TRIM2: variants seen among roughly 807,000 people sequenced by gnomAD.
The protein encoded by TRIM2 is tripartite motif containing 2.
Under a neutral mutation model 75.2 loss-of-function variants are expected in TRIM2, and 20 were observed. The ratio of observed to expected loss-of-function variants is 0.27; its 90% confidence interval spans 0.19 to 0.39. The LOEUF (loss-of-function observed/expected upper bound fraction) is 0.39. Among genes scored for constraint, TRIM2 ranks in the 10% least tolerant of loss-of-function variants. The probability of loss-of-function intolerance (pLI) is 1.00; values close to 1 mark genes in which losing one functional copy is unlikely to be tolerated. For missense variants in TRIM2, 660 were observed against 990.8 expected (o/e 0.67, Z 4.48); for synonymous variants, 373 against 388.3 (o/e 0.96, Z 0.46).
At chr4:153,277,588 C>T (rs769831394) in intron 3 of TRIM2, among the ~76,000 whole-genome samples, 14 of 152,144 alleles carry the variant, frequency 9.2e-5, no homozygotes, top group Non-Finnish European at 2.1e-4. Flanking sequence ...CTCCTTAAAC[C>T]CCCCTCTGCA....
At chr4:153,209,029 C>T (rs142461850) in intron 1 of TRIM2, among the ~76,000 whole-genome samples, 13 of 152,280 alleles carry the variant, frequency 8.5e-5, no homozygotes, top group African/African-American at 2.6e-4. Flanking sequence ...GTCATTTCTT[C>T]ACCAGGCCCA....
At chr4:153,280,242 A>G (rs1341505308) in intron 3 of TRIM2, among the ~76,000 whole-genome samples, 2 of 152,172 alleles carry the variant, frequency 1.3e-5, no homozygotes, top group Non-Finnish European at 2.9e-5. Context: ...AGGAAAAGCT[A>G]GAAAGGTCTC....
chr4:153,152,438 A>ATATATATGTTATAAATTCTAACT (rs1283686534), upstream of TRIM2: 8 of 148,828 alleles, frequency 5.4e-5, no homozygotes, highest in Non-Finnish European at 1.2e-4. Flanking sequence ...ATACACACAT[A>ATATATATGTTATAAATTCTAACT]TATATATGTT....
At chr4:153,190,261 C>T (rs1733046415) in intron 1 of TRIM2, among the ~76,000 whole-genome samples, 1 of 152,192 alleles carries the variant, frequency 6.6e-6, no homozygotes, top group Non-Finnish European at 1.5e-5. Flanking sequence ...GTGGGAATGA[C>T]AGCAGGAAAA....
intron 1 of TRIM2, among the ~76,000 whole-genome samples, chr4:153,159,585 C>CA (rs1729562416): frequency 6.6e-6 from 1 of 152,162 alleles, no homozygotes; most frequent in Non-Finnish European, 1.5e-5. Context: ...GGATTACAGG[C>CA]ATGAGCCACA....
chr4:153,306,107 T>A (rs990511206), intron 6 of TRIM2, among the ~76,000 whole-genome samples: 2 of 150,010 alleles, frequency 1.3e-5, no homozygotes, highest in African/African-American at 4.9e-5. Context: ...CCAGCCTGGA[T>A]GACAGAGCAA....
chr4:153,207,759 G>T (rs920182414), intron 1 of TRIM2, among the ~76,000 whole-genome samples: 17 of 152,210 alleles, frequency 1.1e-4, no homozygotes, highest in African/African-American at 4.1e-4. Flanking sequence ...GGACTGGCCA[G>T]CAGGTGGCTC....
At chr4:153,202,729 G>GA (rs1734521046), upstream of TRIM2, among the ~76,000 whole-genome samples, 1 of 150,530 alleles carries the variant, frequency 6.6e-6, no homozygotes, top group African/African-American at 2.4e-5. Flanking sequence ...ATCATATAAG[G>GA]AAAAAAAGCC....
chr4:153,290,583 AT>A (rs775314895), intron 3 of TRIM2, among the ~76,000 whole-genome samples: 15 of 152,108 alleles, frequency 9.9e-5, no homozygotes, highest in Non-Finnish European at 1.6e-4. Flanking sequence ...GGATATTTGA[AT>A]TTTCATTTGA....
intron 1 of TRIM2, among the ~76,000 whole-genome samples, chr4:153,166,144 G>A (rs1473547582): frequency 6.6e-6 from 1 of 151,836 alleles, no homozygotes; most frequent in African/African-American, 2.4e-5. Context: ...TTATTTCACG[G>A]ATGCAATAGC....
intron 1 of TRIM2, among the ~76,000 whole-genome samples, chr4:153,253,494 T>C (rs1439857553): frequency 6.6e-6 from 1 of 152,098 alleles, no homozygotes; most frequent in Non-Finnish European, 1.5e-5. Context: ...GAGCCACTGC[T>C]AAAAAAATAC....
chr4:153,183,130 C>T (rs143929007), intron 1 of TRIM2, among the ~76,000 whole-genome samples: 2,637 of 152,264 alleles, frequency 0.017, 89 homozygotes, highest in African/African-American at 0.058. Context: ...CACTGACTGA[C>T]CCTGCCATAG....
chr4:153,251,097 C>G (rs750718824), intron 1 of TRIM2, among the ~76,000 whole-genome samples: 2 of 152,210 alleles, frequency 1.3e-5, no homozygotes, highest in Non-Finnish European at 2.9e-5. Context: ...GGCCAACTTG[C>G]ACCTTTTCTC....
At chr4:153,261,587 G>A (rs890868147) in intron 1 of TRIM2, among the ~76,000 whole-genome samples, 21 of 152,164 alleles carry the variant, frequency 1.4e-4, no homozygotes, top group African/African-American at 5.1e-4. Flanking sequence ...CAAATCACAT[G>A]TTAAAATTTT....
intron 1 of TRIM2, among the ~76,000 whole-genome samples, chr4:153,154,906 G>A (rs1025206730): frequency 4.6e-5 from 7 of 152,186 alleles, no homozygotes; most frequent in Non-Finnish European, 8.8e-5. Context: ...TTGGGAGGCC[G>A]AGGCAGGCGG....
At chr4:153,316,506 A>G (rs1767615591) in intron 8 of TRIM2, among the ~76,000 whole-genome samples, 1 of 152,220 alleles carries the variant, frequency 6.6e-6, no homozygotes. Context: ...ACAGAAAACA[A>G]TTTATGTCAG....
At chr4:153,270,293 A>G (rs1560921684) in intron 1 of TRIM2, 42 bp from the exon 2 acceptor site, 1 of 1,581,280 alleles carries the variant, frequency 6.3e-7, no homozygotes, top group Non-Finnish European at 8.6e-7. Context: ...TTGTACCTAC[A>G]GATCATTATA....
rs1772497561 is a variant in TRIM2 at position 153,336,753 on chromosome 4, A to G, written c.*1787A>G. On this transcript the variant is annotated 3_prime_UTR_variant, in exon 12 of 12. Coordinates refer to ENST00000338700, the MANE Select transcript of TRIM2 (RefSeq NM_015271.5). ...TTAGAAGGGAAATCTAGCTACTTCA[A>G]ATTGTCTGTTAAATTTATTATGCCC... is the stretch of plus-strand genomic sequence containing the variant. 2 of 985,582 alleles carry G rather than the reference A, an allele frequency of 2.0e-6. No individual in the cohort carries two copies. The highest frequency in any genetic ancestry group is 9.4e-5 in the South Asian group (2 of 21,276). 61.1% of individuals were successfully genotyped at this position (985,582 alleles called of 1,614,324 possible).
chr4:153,321,718 C>T (rs970026584), intron 8 of TRIM2, among the ~76,000 whole-genome samples: 6 of 152,108 alleles, frequency 3.9e-5, no homozygotes, highest in African/African-American at 1.2e-4. Context: ...ACTTAATTCT[C>T]GTAAAGTTTA....
Sources: gnomAD v4.1 joint callset for allele counts (sites outside exome capture counted in the v4.1 genomes callset) on GRCh38, gnomAD v4.1.1 for gene constraint, MANE v1.5 for transcripts, NCBI Gene and HGNC (gene_info 2026-07-23, HGNC 2026-07-21) for gene names.